Variants in BMPR2 observed in about 807,000 individuals in gnomAD.
BMPR2 encodes bone morphogenetic protein receptor type 2.
A neutral mutation model predicts 100.8 loss-of-function variants in BMPR2; 29 were observed. The ratio of observed to expected loss-of-function variants is 0.29; its 90% CI spans 0.21 to 0.39. The LOEUF is 0.39. Among genes scored for constraint, BMPR2 ranks in the 10% least tolerant of loss-of-function variants. The probability of loss-of-function intolerance (pLI) is 1.00; values close to 1 mark genes in which losing one functional copy is unlikely to be tolerated. For synonymous variants in BMPR2, 382 were observed against 442.3 expected, an observed-to-expected ratio of 0.86 and a Z score of 1.71; for missense variants, 1,011 against 1,274.5, an observed-to-expected ratio of 0.79 and a Z score of 3.15.
chr2:202,464,699 C>A, intron 1 of BMPR2, 110 bp from the exon 2 acceptor site: 1 of 1,036,934 alleles, frequency 9.6e-7, no homozygotes, highest in Non-Finnish European at 1.4e-6. Flanking sequence ...GATTTCAGTT[C>A]AAATAATTTA....
Position 202,555,841 on chromosome 2 carries a change from A to T in BMPR2, c.2176A>T (p.Thr726Ser). 6.2e-7 allele frequency: 1 copy of T among 1,614,098 alleles called. No individual in the cohort carries two copies. The highest frequency in any genetic ancestry group is 8.5e-7 in the Non-Finnish European group (1 of 1,180,010). Residue 726 changes from threonine (T) to serine (S), a missense_variant, in exon 12 of 13, where the codon ACT (threonine) becomes TCT (serine). By Grantham distance (58) the Thr-to-Ser change is moderately conservative (BLOSUM62 1). Coordinates refer to ENST00000374580, the MANE Select transcript of BMPR2 (RefSeq NM_001204.7). ...EATGQQDFTQTANGQACLIPD... is the reference protein window; with the variant it reads ...EATGQQDFTQSANGQACLIPD... ...AACTGGACAGCAGGACTTCACACAG[A>T]CTGCAAATGGCCAAGCATGTTTGAT...
rs769408722 is a variant in BMPR2, at chr2:202,555,237, TTTTC to T, written c.1587-7_1587-4del. ...ATGTACGTTCTCAATGTGATACTTT[TTTTC>T]TTTCTTTAAGCAACCTGTCACATAA... is the stretch of plus-strand genomic sequence containing the variant. On this transcript the variant is annotated splice_polypyrimidine_tract_variant and intron_variant, in intron 11 of 12. Transcript: ENST00000374580. 3.4e-5 allele frequency: 54 copies of T among 1,608,924 alleles called. No homozygotes were observed. Among genetic ancestry groups the T allele is most frequent in the South Asian group, 5.5e-5 (5 of 90,876 alleles).
intron 9 of BMPR2, among the ~76,000 whole-genome samples, chr2:202,537,549 G>GTGT (rs1266290314): frequency 6.6e-6 from 1 of 152,172 alleles, no homozygotes; most frequent in Non-Finnish European, 1.5e-5. Flanking sequence ...AATGGGTACA[G>GTGT]AGTTTCAGTT....
At chr2:202,512,999 T>G (rs1687652248) in intron 3 of BMPR2, among the ~76,000 whole-genome samples, 1 of 151,698 alleles carries the variant, frequency 6.6e-6, no homozygotes. Context: ...GAGTCTCACT[T>G]CATCACCCAA....
intron 1 of BMPR2, among the ~76,000 whole-genome samples, chr2:202,412,118 T>G (rs2105917652): frequency 1.3e-5 from 2 of 152,298 alleles, no homozygotes; most frequent in South Asian, 4.1e-4. Context: ...TTTGCATTTT[T>G]TCTGTAAGTT....
At chr2:202,466,079 G>A (rs1692315179) in intron 2 of BMPR2, among the ~76,000 whole-genome samples, 1 of 152,116 alleles carries the variant, frequency 6.6e-6, no homozygotes, top group African/African-American at 2.4e-5. Context: ...AAACACAGTT[G>A]TTCAGTGAAC....
chr2:202,507,792 C>T (rs538073734), intron 3 of BMPR2, among the ~76,000 whole-genome samples: 1,722 of 151,234 alleles, frequency 0.011, 17 homozygotes, highest in Non-Finnish European at 0.017. Flanking sequence ...CTCTGCCTCC[C>T]GGGTTCAAGC....
chr2:202,527,134 G>A (rs1361648611), intron 7 of BMPR2, among the ~76,000 whole-genome samples: 1 of 152,036 alleles, frequency 6.6e-6, no homozygotes, highest in African/African-American at 2.4e-5. Flanking sequence ...AAAGAGCTGG[G>A]ATTACAGGCA....
chr2:202,452,965 C>G (rs966446848), intron 1 of BMPR2, among the ~76,000 whole-genome samples: 3 of 151,992 alleles, frequency 2.0e-5, no homozygotes, highest in Non-Finnish European at 1.5e-5. Context: ...ATGAGGCACT[C>G]CAGGTAAAGA....
rs530401881 is a variant in BMPR2 at position 202,535,956 on chromosome 2, C to T, written c.1276+3224C>T. Among the ~76,000 whole-genome samples, 322 of 148,554 alleles carry T rather than the reference C, an allele frequency of 2.2e-3. 2 individuals are homozygous for T. Among genetic ancestry groups the T allele is most frequent in the African/African-American group, 3.5e-3 (142 of 40,914 alleles). On this transcript the variant is annotated intron_variant, in intron 9 of 12. Coordinates refer to ENST00000374580, the MANE Select transcript of BMPR2 (RefSeq NM_001204.7). ...AGGCGTGGCGGCGCGTGCCTGCAAT[C>T]GCAGGCACTCGGCAGGCTGAGGCAG...
At chr2:202,474,516 G>A (rs1328162618) in intron 3 of BMPR2, among the ~76,000 whole-genome samples, 2 of 152,030 alleles carry the variant, frequency 1.3e-5, no homozygotes, top group African/African-American at 4.8e-5. Context: ...GAAGACTGTG[G>A]AAAGGTTATT....
chr2:202,561,699 T>C lies in BMPR2; in HGVS notation c.*1753T>C, dbSNP rs928662756. On this transcript the variant is annotated 3_prime_UTR_variant, in exon 13 of 13. Transcript: ENST00000374580. ...CTCCTGAACAATATTTTCTCACTCATATTCCTCTATCTTATCACTTAGCTA... is the reference window on the plus strand; with the variant it reads ...CTCCTGAACAATATTTTCTCACTCACATTCCTCTATCTTATCACTTAGCTA... The C allele has an allele frequency of 6.6e-6, 1 of 152,194 alleles. No homozygotes were observed. The highest frequency in any genetic ancestry group is 2.4e-5 in the African/African-American group (1 of 41,464). 9.4% of individuals were successfully genotyped at this position (152,194 alleles called of 1,614,324 possible). A position where few individuals can be genotyped will look rare whatever the true frequency, so the allele number is the denominator to read the frequency against.
chr2:202,492,986 C>T (rs1427258194), intron 3 of BMPR2, among the ~76,000 whole-genome samples: 1 of 152,108 alleles, frequency 6.6e-6, no homozygotes, highest in East Asian at 1.9e-4. Context: ...ACAGCTTTCA[C>T]TTTGATAGTC....
chr2:202,551,585 A>G (rs1688479185), intron 10 of BMPR2, among the ~76,000 whole-genome samples: 1 of 152,188 alleles, frequency 6.6e-6, no homozygotes, highest in African/African-American at 2.4e-5. Flanking sequence ...TAGGGAGACT[A>G]TTGTTCATTG....
intron 3 of BMPR2, among the ~76,000 whole-genome samples, chr2:202,488,988 T>G (rs906016942): frequency 2.6e-5 from 4 of 151,268 alleles, no homozygotes; most frequent in African/African-American, 9.7e-5. Context: ...ATAAGGTATC[T>G]GTCTTTTTGT....
chr2:202,484,985 AAAAGAAAG>A (rs1420848511), intron 3 of BMPR2, among the ~76,000 whole-genome samples: 1 of 148,742 alleles, frequency 6.7e-6, no homozygotes, highest in Non-Finnish European at 1.5e-5. Flanking sequence ...AAAAAAAAAA[AAAAGAAAG>A]AAAGAAGAAA....
rs1245877281 is a variant in BMPR2 at position 202,377,168 on chromosome 2, A to G, written c.-307A>G. ...ATATCGTGAAACTACGAGGGAAATA[A>G]TTTGGGGGATTTCTTCTTGGCTCCC... On this transcript the variant is annotated 5_prime_UTR_variant, in exon 1 of 13. An upstream open reading frame in the 5' UTR loses its in-frame stop. Coordinates refer to ENST00000374580, the MANE Select transcript of BMPR2 (RefSeq NM_001204.7). The G allele has an allele frequency of 1.7e-6, 1 of 590,652 alleles. No individual in the cohort carries two copies. The highest frequency in any genetic ancestry group is 2.1e-5 in the South Asian group (1 of 48,722). 36.6% of individuals were successfully genotyped at this position (590,652 alleles called of 1,614,324 possible).
At chr2:202,500,079 A>G (rs2105990155) in intron 3 of BMPR2, among the ~76,000 whole-genome samples, 1 of 152,340 alleles carries the variant, frequency 6.6e-6, no homozygotes, top group East Asian at 1.9e-4. Flanking sequence ...CAGATGATCC[A>G]ACAACAGGAC....
intron 7 of BMPR2, among the ~76,000 whole-genome samples, chr2:202,527,901 T>G (rs934535496): frequency 1.3e-5 from 2 of 152,096 alleles, no homozygotes; most frequent in Admixed American, 6.5e-5. Flanking sequence ...GATTATAAAT[T>G]GGCTGGGCAT....
Sources: allele counts gnomAD v4.1 joint callset (sites outside exome capture counted in the v4.1 genomes callset), GRCh38; gene constraint gnomAD v4.1.1; transcripts MANE v1.5; gene names NCBI Gene and HGNC (gene_info 2026-07-23, HGNC 2026-07-21).